The following TENM2 variants were observed in gnomAD, a reference collection of about 807,000 sequenced individuals.
The protein encoded by TENM2 is teneurin-2.
A neutral mutation model predicts 245.2 loss-of-function variants in TENM2; 52 were observed. The ratio of observed to expected loss-of-function variants is 0.21; its 90% CI spans 0.17 to 0.27. TENM2 has a LOEUF of 0.27. Among genes scored for constraint, TENM2 ranks in the 10% least tolerant of loss-of-function variants. The pLI, the probability that TENM2 is intolerant of heterozygous loss-of-function variation, is 1.00. For missense variants in TENM2, 3,046 were observed against 3,666.8 expected, an observed-to-expected ratio of 0.83 and a Z score of 4.37; for synonymous variants, 1,363 against 1,438.9, an observed-to-expected ratio of 0.95 and a Z score of 1.19.
intron 2 of TENM2, among the ~76,000 whole-genome samples, chr5:167,579,171 G>A (rs1056338706): frequency 3.9e-5 from 6 of 152,058 alleles, no homozygotes; most frequent in African/African-American, 1.4e-4. Context: ...AACACAAAAG[G>A]CATCACTCAT....
At chr5:168,168,021 A>C (rs10072561) in intron 13 of TENM2, among the ~76,000 whole-genome samples, 48,880 of 151,936 alleles carry the variant, frequency 0.32, 8,804 homozygotes, top group East Asian at 0.61. Flanking sequence ...TAATTTTTCC[A>C]GTGTACACAA....
rs536678907 is a variant in TENM2 at position 167,764,628 on chromosome 5, G to A, written c.503-111358G>A. ...CTGCCTCTTTAGATCTAAATAGAGC[G>A]CATTCTTAGGTGGAACAGGGGCACT... is the stretch of plus-strand genomic sequence containing the variant. On this transcript the variant is annotated intron_variant, in intron 2 of 28. Transcript: ENST00000518659. Among the ~76,000 whole-genome samples, 113 of 152,266 alleles carry A rather than the reference G, an allele frequency of 7.4e-4. No homozygotes were observed. The Middle Eastern group carries it at 0.01, about 14-fold the overall frequency.
chr5:167,947,595 C>T (rs1641695793), intron 3 of TENM2, among the ~76,000 whole-genome samples: 1 of 152,182 alleles, frequency 6.6e-6, no homozygotes, highest in South Asian at 2.1e-4. Flanking sequence ...CTGGCCAATT[C>T]AAGGTCAAAT....
intron 7 of TENM2, among the ~76,000 whole-genome samples, chr5:168,073,328 G>T (rs1462071686): frequency 6.6e-6 from 1 of 152,174 alleles, no homozygotes. Context: ...GCCTCCTGGA[G>T]GAGAGGCTAC....
intron 4 of TENM2, among the ~76,000 whole-genome samples, chr5:167,987,207 T>C (rs1285225929): frequency 1.3e-5 from 2 of 152,166 alleles, no homozygotes; most frequent in Non-Finnish European, 2.9e-5. Context: ...AAAAAATATA[T>C]ATCTACTAAC....
At chr5:167,819,774 A>G (rs1332968137) in intron 2 of TENM2, among the ~76,000 whole-genome samples, 1 of 152,170 alleles carries the variant, frequency 6.6e-6, no homozygotes, top group Non-Finnish European at 1.5e-5. Context: ...TTTGCTGAAG[A>G]GGAGACTTGA....
intron 2 of TENM2, among the ~76,000 whole-genome samples, chr5:167,557,850 T>C (rs1773350034): frequency 6.6e-6 from 1 of 152,176 alleles, no homozygotes; most frequent in Admixed American, 6.5e-5. Context: ...TCAATAGTGC[T>C]GAGGTTGAAA....
chr5:167,433,898 G>A (rs1416989150), intron 2 of TENM2, among the ~76,000 whole-genome samples: 2 of 151,952 alleles, frequency 1.3e-5, no homozygotes. Context: ...GAACCATCCA[G>A]GGTAAGTCAA....
At chr5:168,057,846 G>A (rs1311105384) in intron 6 of TENM2, among the ~76,000 whole-genome samples, 2 of 152,154 alleles carry the variant, frequency 1.3e-5, no homozygotes, top group African/African-American at 4.8e-5. Context: ...ACTGAGGTCT[G>A]AGGGGAGTCG....
At chr5:168,069,010 C>T (rs532148245) in intron 7 of TENM2, among the ~76,000 whole-genome samples, 6 of 152,120 alleles carry the variant, frequency 3.9e-5, no homozygotes, top group Admixed American at 3.9e-4. Flanking sequence ...GAGGCACGTC[C>T]CTTGCCTTAG....
intron 2 of TENM2, among the ~76,000 whole-genome samples, chr5:167,834,798 CG>C (rs1029400236): frequency 1.4e-4 from 22 of 152,118 alleles, no homozygotes; most frequent in African/African-American, 5.3e-4. Flanking sequence ...TACAGGCGCC[CG>C]CCACCACGCC....
chr5:167,423,460 A>G (rs1561942540), intron 2 of TENM2, among the ~76,000 whole-genome samples: 1 of 152,196 alleles, frequency 6.6e-6, no homozygotes. Context: ...GTTGTTTATC[A>G]CAAGGTTTTA....
At chr5:167,808,697 G>A (rs548714409) in intron 2 of TENM2, among the ~76,000 whole-genome samples, 3 of 152,116 alleles carry the variant, frequency 2.0e-5, no homozygotes, top group African/African-American at 4.8e-5. Context: ...TTGTTATTTT[G>A]GGTTGTTTTG....
the TENM2 span, among the ~76,000 whole-genome samples, chr5:167,223,187 C>T: frequency 2.0e-5 from 3 of 152,058 alleles, no homozygotes; most frequent in Admixed American, 2.0e-4. Context: ...GGGTACATTT[C>T]CGGTACCCAT....
chr5:167,627,149 A>G (rs983258286), intron 2 of TENM2, among the ~76,000 whole-genome samples: 2 of 152,154 alleles, frequency 1.3e-5, no homozygotes, highest in African/African-American at 2.4e-5. Flanking sequence ...AAACCCATCC[A>G]TTTTCCAAAA....
chr5:168,089,436 C>T (rs1294264772), intron 7 of TENM2, among the ~76,000 whole-genome samples: 1 of 152,194 alleles, frequency 6.6e-6, no homozygotes. Flanking sequence ...TTGCCTGCTA[C>T]AGCATTTCAT....
chr5:167,389,124 CT>C (rs1433606922), intron 2 of TENM2, among the ~76,000 whole-genome samples: 2 of 151,786 alleles, frequency 1.3e-5, no homozygotes, highest in Non-Finnish European at 2.9e-5. Context: ...ATTGTTAAAT[CT>C]TTATGCTGCC....
intron 12 of TENM2, among the ~76,000 whole-genome samples, chr5:168,136,515 G>A (rs780149304): frequency 4.6e-5 from 7 of 152,296 alleles, no homozygotes; most frequent in South Asian, 2.1e-4. Flanking sequence ...TGGTGCTCAC[G>A]CTACTGAAGT....
intron 3 of TENM2, among the ~76,000 whole-genome samples, chr5:167,904,581 A>T (rs1775946306): frequency 6.6e-6 from 1 of 152,198 alleles, no homozygotes; most frequent in Admixed American, 6.5e-5. Flanking sequence ...TACAATGCCC[A>T]GCCCCGCCCC....
Sources: allele counts gnomAD v4.1 joint callset (sites outside exome capture counted in the v4.1 genomes callset), GRCh38; gene constraint gnomAD v4.1.1; transcripts MANE v1.5; gene names NCBI Gene and HGNC (gene_info 2026-07-23, HGNC 2026-07-21).